The following NCALD variants were observed in gnomAD, a reference collection of about 807,000 sequenced individuals.
NCALD encodes neurocalcin-delta.
NCALD carries 10 observed loss-of-function variants against 18.6 expected under a neutral mutation model. The ratio of observed to expected loss-of-function variants is 0.54; its 90% CI spans 0.33 to 0.91. The LOEUF (loss-of-function observed/expected upper bound fraction) is 0.91. Among genes scored for constraint, NCALD ranks in the 40% least tolerant of loss-of-function variants. NCALD has a pLI of 0.03. For synonymous variants in NCALD, 88 were observed against 87.4 expected, an observed-to-expected ratio of 1.01 and a Z score of -0.04; for missense variants, 184 against 247.6, an observed-to-expected ratio of 0.74 and a Z score of 1.72.
At position 101,867,245 on chromosome 8, in the gene NCALD, C is replaced by T. The variant is rs1239451899; in HGVS notation, c.-20+19896G>A. 2.6e-4 allele frequency among the ~76,000 whole-genome samples: 39 copies of T among 152,182 alleles called. 1 individual carries two copies. Among genetic ancestry groups the T allele is most frequent in the Admixed American group, 2.6e-3 (39 of 15,286 alleles). On this transcript the variant is annotated intron_variant, in intron 4 of 6. Coordinates refer to the NCALD transcript ENST00000311028. Reference sequence around the variant, plus strand: ...TATCTAAAATTTCAAACCGCCCCTACCTTCAATTTTCCTAGTTTTTTTCCC... The same window carrying T: ...TATCTAAAATTTCAAACCGCCCCTATCTTCAATTTTCCTAGTTTTTTTCCC...
In NCALD at chr8:101,688,779, G is replaced by T; in HGVS notation, c.*530C>A. On this transcript the variant is annotated 3_prime_UTR_variant, in exon 4 of 4. Transcript: ENST00000220931. ...AGAAACTACAGCCTGCTGGGGAAGA[G>T]AGGGGAGTGGGCCCCCATGGGGAAA... The T allele has an allele frequency of 1.7e-6, 1 of 592,918 alleles. No individual in the cohort carries two copies. The allele number at this position is 592,918 out of a possible 1,614,324, so 36.7% of individuals were successfully genotyped here.
chr8:101,928,627 TTTTA>T (rs1246629929), intron 2 of NCALD, among the ~76,000 whole-genome samples: 5 of 151,932 alleles, frequency 3.3e-5, no homozygotes, highest in Admixed American at 2.0e-4. Flanking sequence ...GTTTTCTGTG[TTTTA>T]TTTTTTTCCT....
At chr8:101,978,515 C>T (rs888828319) in intron 2 of NCALD, among the ~76,000 whole-genome samples, 3 of 152,196 alleles carry the variant, frequency 2.0e-5, no homozygotes, top group African/African-American at 7.2e-5. Flanking sequence ...AGTAAGTTAC[C>T]TGGGTAATAA....
intron 4 of NCALD, among the ~76,000 whole-genome samples, chr8:101,818,850 C>T (rs932744966): frequency 2.0e-5 from 3 of 151,878 alleles, no homozygotes; most frequent in African/African-American, 7.3e-5. Context: ...ACTAAAAATA[C>T]AAAAATTAGC....
At chr8:101,923,373 G>C (rs968976636) in intron 2 of NCALD, among the ~76,000 whole-genome samples, 5 of 152,200 alleles carry the variant, frequency 3.3e-5, no homozygotes, top group Non-Finnish European at 7.3e-5. Flanking sequence ...GATAGAAAGA[G>C]CACAGAAATG....
intron 4 of NCALD, among the ~76,000 whole-genome samples, chr8:101,797,682 G>A (rs1812689917): frequency 6.6e-6 from 1 of 152,016 alleles, no homozygotes; most frequent in South Asian, 2.1e-4. Context: ...TGGGTGTGGT[G>A]GCCTGCACCT....
At chr8:101,824,959 A>G (rs559659486) in intron 4 of NCALD, among the ~76,000 whole-genome samples, 2 of 152,314 alleles carry the variant, frequency 1.3e-5, no homozygotes, top group South Asian at 2.1e-4. Flanking sequence ...ATGTTTCTGT[A>G]ACATGATAGG....
At chr8:101,693,320 T>A (rs1814825798) in intron 2 of NCALD, 1 of 14,818 alleles carries the variant, frequency 6.7e-5, no homozygotes, top group Non-Finnish European at 1.8e-4. Context: ...CACAGGGCGT[T>A]TTTTTTTTTT....
intron 3 of NCALD, among the ~76,000 whole-genome samples, chr8:101,887,746 T>C (rs1385581780): frequency 6.6e-6 from 1 of 152,070 alleles, no homozygotes; most frequent in African/African-American, 2.4e-5. Flanking sequence ...TTAGGAATCA[T>C]TTGGTTACAA....
At chr8:101,875,756 A>G (rs16868644) in intron 4 of NCALD, among the ~76,000 whole-genome samples, 4,262 of 152,300 alleles carry the variant, frequency 0.028, 202 homozygotes, top group African/African-American at 0.095. Flanking sequence ...AGATGTCCAC[A>G]TTCAGGACCC....
At chr8:101,838,885 T>C (rs76215811) in intron 4 of NCALD, among the ~76,000 whole-genome samples, 1,532 of 152,316 alleles carry the variant, frequency 0.01, 28 homozygotes, top group African/African-American at 0.034. Flanking sequence ...AAGTAAAACA[T>C]ATGTTAGATC....
At chr8:102,022,778 A>T (rs1822319733) in intron 1 of NCALD, among the ~76,000 whole-genome samples, 1 of 152,180 alleles carries the variant, frequency 6.6e-6, no homozygotes, top group Non-Finnish European at 1.5e-5. Flanking sequence ...TGCTGGAAGA[A>T]GGTATGGAGA....
chr8:101,730,241 G>A (rs929415158), intron 1 of NCALD, among the ~76,000 whole-genome samples: 1 of 151,932 alleles, frequency 6.6e-6, no homozygotes, highest in Non-Finnish European at 1.5e-5. Context: ...CAGCACTTTG[G>A]GAGGCCGAGG....
At chr8:101,775,777 A>C (rs1295740730) in intron 1 of NCALD, among the ~76,000 whole-genome samples, 1 of 152,152 alleles carries the variant, frequency 6.6e-6, no homozygotes, top group East Asian at 1.9e-4. Flanking sequence ...CCTAGTCTTG[A>C]CTTCATCAAG....
chr8:102,098,297 G>A (rs748493568), intron 1 of NCALD, among the ~76,000 whole-genome samples: 2 of 152,128 alleles, frequency 1.3e-5, no homozygotes, highest in Non-Finnish European at 2.9e-5. Flanking sequence ...GGATGAGAGA[G>A]CAATTGGGGT....
intron 1 of NCALD, among the ~76,000 whole-genome samples, chr8:102,025,588 G>T (rs1424956338): frequency 6.6e-6 from 1 of 152,200 alleles, no homozygotes; most frequent in Non-Finnish European, 1.5e-5. Flanking sequence ...AAAGTCCACT[G>T]CCTCCCTTGC....
chr8:101,874,383 T>G (rs150572484), intron 4 of NCALD, among the ~76,000 whole-genome samples: 122 of 152,082 alleles, frequency 8.0e-4, no homozygotes, highest in African/African-American at 2.7e-3. Flanking sequence ...ATCAAATAAG[T>G]AATGGCCCAC....
intron 4 of NCALD, among the ~76,000 whole-genome samples, chr8:101,821,996 C>T (rs1453673317): frequency 6.6e-6 from 1 of 151,478 alleles, no homozygotes; most frequent in East Asian, 1.9e-4. Flanking sequence ...AGATGAAGAG[C>T]TTGTGAAACT....
At chr8:101,970,595 G>T (rs868546316) in intron 2 of NCALD, among the ~76,000 whole-genome samples, 3 of 152,116 alleles carry the variant, frequency 2.0e-5, no homozygotes, top group Non-Finnish European at 4.4e-5. Flanking sequence ...AGGGCTCAAA[G>T]CCTAACATGT....
Sources: gnomAD v4.1 joint callset for allele counts (sites outside exome capture counted in the v4.1 genomes callset) on GRCh38, gnomAD v4.1.1 for gene constraint, MANE v1.5 for transcripts, NCBI Gene and HGNC (gene_info 2026-07-23, HGNC 2026-07-21) for gene names.